The following FRMPD4 variants were observed in gnomAD, a reference collection of about 807,000 sequenced individuals.
FRMPD4 encodes the protein FERM and PDZ domain containing 4.
A neutral mutation model predicts 94.1 loss-of-function variants in FRMPD4; 22 were observed. The observed-to-expected ratio is 0.23, with a 90% CI of 0.17 to 0.33. FRMPD4 has a LOEUF of 0.33. FRMPD4 is among the 10% of genes least tolerant of loss of function. FRMPD4 has a pLI of 1.00. For missense variants in FRMPD4, 1,111 were observed against 1,339.9 expected, an observed-to-expected ratio of 0.83 and a Z score of 2.67; for synonymous variants, 631 against 548.6, an observed-to-expected ratio of 1.15 and a Z score of -2.10.
At chrX:12,339,346 GTT>G (rs1359051321) in intron 1 of FRMPD4, among the ~76,000 whole-genome samples, 2 of 111,689 alleles carry the variant, frequency 1.8e-5, no homozygotes, top group African/African-American at 6.5e-5. Context: ...GTTTTTGTTT[GTT>G]TCTTTGTTCT....
chrX:11,981,572 T>C (rs761315390), intron 3 of FRMPD4, among the ~76,000 whole-genome samples: 19 of 111,935 alleles, frequency 1.7e-4, no homozygotes, highest in Non-Finnish European at 3.6e-4. Context: ...TATGTTCTTA[T>C]GTTTTAGCTG....
chrX:11,935,072 A>ATTTTT (rs753999126), intron 3 of FRMPD4, among the ~76,000 whole-genome samples: 2,342 of 39,941 alleles, frequency 0.059, 224 homozygotes, highest in African/African-American at 0.11. Flanking sequence ...ACTATTGGTG[A>ATTTTT]TTTTTTTTTT....
intron 1 of FRMPD4, among the ~76,000 whole-genome samples, chrX:12,384,096 C>CAGAT (rs1443188302): frequency 3.6e-5 from 4 of 112,029 alleles, no homozygotes; most frequent in Non-Finnish European, 7.5e-5. Context: ...ATTGGCACAA[C>CAGAT]AGATTGTTGT....
Position 12,091,624 on chromosome X carries a change from T to C in FRMPD4, c.95+213606T>C, listed in dbSNP as rs1383251849. Among the ~76,000 whole-genome samples, 4 of 111,789 alleles carry C rather than the reference T, an allele frequency of 3.6e-5. No homozygotes were observed. The East Asian group carries it at 1.1e-3, about 31-fold the overall frequency. ...CTATTTCCTGTTTCCTGGTCAGACATCAGTGGTTCTCATTCTGGGGTGATT... is the reference window on the plus strand; with the variant it reads ...CTATTTCCTGTTTCCTGGTCAGACACCAGTGGTTCTCATTCTGGGGTGATT... On this transcript the variant is annotated intron_variant, in intron 3 of 18. Coordinates refer to the FRMPD4 transcript ENST00000640291.
intron 1 of FRMPD4, among the ~76,000 whole-genome samples, chrX:11,861,669 G>A (rs1029425790): frequency 2.7e-5 from 3 of 111,527 alleles, no homozygotes; most frequent in Non-Finnish European, 3.8e-5. Context: ...GCAAAAGAAA[G>A]TGCTAAATAC....
intron 1 of FRMPD4, among the ~76,000 whole-genome samples, chrX:12,454,968 T>C (rs2057317613): frequency 9.0e-6 from 1 of 110,909 alleles, no homozygotes; most frequent in South Asian, 3.8e-4. Context: ...AAACAACTTA[T>C]AAATTCTGTA....
At chrX:12,171,121 TAAG>T (rs1406300774) in intron 1 of FRMPD4, among the ~76,000 whole-genome samples, 1 of 112,479 alleles carries the variant, frequency 8.9e-6, no homozygotes, top group Non-Finnish European at 1.9e-5. Flanking sequence ...TCCCTGGTCA[TAAG>T]AATCTGTAAC....
chrX:12,285,171 G>A (rs1278336618), intron 1 of FRMPD4, among the ~76,000 whole-genome samples: 1 of 111,888 alleles, frequency 8.9e-6, no homozygotes. Context: ...TGTGCCACTG[G>A]TGAGTCCTTC....
At chrX:12,009,988 A>G (rs1425642564) in intron 3 of FRMPD4, among the ~76,000 whole-genome samples, 1 of 112,153 alleles carries the variant, frequency 8.9e-6, no homozygotes, top group African/African-American at 3.2e-5. Flanking sequence ...TATCTGGGCC[A>G]TGATTATTAA....
intron 1 of FRMPD4, among the ~76,000 whole-genome samples, chrX:12,464,052 T>C (rs927682083): frequency 8.1e-5 from 9 of 111,541 alleles, no homozygotes; most frequent in African/African-American, 2.9e-4. Context: ...TGGCCTAAAA[T>C]AGCTAAATAA....
intron 1 of FRMPD4, among the ~76,000 whole-genome samples, chrX:12,359,139 C>A (rs1481573457): frequency 1.8e-5 from 2 of 111,263 alleles, no homozygotes; most frequent in African/African-American, 6.5e-5. Flanking sequence ...TGATTTTTGA[C>A]CTTGGATTTA....
At chrX:11,875,109 A>G (rs1355645698) in intron 2 of FRMPD4, among the ~76,000 whole-genome samples, 1 of 112,669 alleles carries the variant, frequency 8.9e-6, no homozygotes, top group Non-Finnish European at 1.9e-5. Context: ...TCTCTTGGCC[A>G]GTCAAAAAAG....
At chrX:12,039,967 C>CAAAAAAAA (rs367795862) in intron 3 of FRMPD4, among the ~76,000 whole-genome samples, 1 of 32,016 alleles carries the variant, frequency 3.1e-5, no homozygotes, top group Non-Finnish European at 6.2e-5. Context: ...AAAACTTTGT[C>CAAAAAAAA]AAAAAAAAAA....
chrX:11,997,171 A>G (rs1352084591), intron 3 of FRMPD4, among the ~76,000 whole-genome samples: 1 of 111,203 alleles, frequency 9.0e-6, no homozygotes, highest in Non-Finnish European at 1.9e-5. Flanking sequence ...CAAGCCCTGA[A>G]GATTATGAGA....
intron 1 of FRMPD4, among the ~76,000 whole-genome samples, chrX:12,227,974 C>T (rs2056942598): frequency 9.0e-6 from 1 of 111,318 alleles, no homozygotes; most frequent in African/African-American, 3.3e-5. Flanking sequence ...TGGTGAGACC[C>T]AACCCCAACA....
At chrX:12,009,476 A>T (rs749228990) in intron 3 of FRMPD4, among the ~76,000 whole-genome samples, 1 of 112,495 alleles carries the variant, frequency 8.9e-6, no homozygotes, top group Non-Finnish European at 1.9e-5. Context: ...TTTACAGAAG[A>T]TGTAAAACAA....
intron 3 of FRMPD4, among the ~76,000 whole-genome samples, chrX:12,068,734 A>G (rs957155375): frequency 2.7e-5 from 3 of 112,394 alleles, no homozygotes; most frequent in Non-Finnish European, 5.6e-5. Flanking sequence ...ACAGTAGATC[A>G]ATAATTGGTT....
At chrX:12,230,497 T>G (rs1386498283) in intron 1 of FRMPD4, among the ~76,000 whole-genome samples, 1 of 111,042 alleles carries the variant, frequency 9.0e-6, no homozygotes, top group African/African-American at 3.3e-5. Flanking sequence ...GGAAGTCAGA[T>G]GTAGCCATCC....
chrX:12,558,090 C>T (rs2058615542), intron 2 of FRMPD4, among the ~76,000 whole-genome samples: 1 of 112,541 alleles, frequency 8.9e-6, no homozygotes, highest in African/African-American at 3.2e-5. Flanking sequence ...CTTGCCACCA[C>T]ATCATGTCCA....
Sources: gnomAD v4.1 joint callset for allele counts (sites outside exome capture counted in the v4.1 genomes callset) on GRCh38, gnomAD v4.1.1 for gene constraint, MANE v1.5 for transcripts, NCBI Gene and HGNC (gene_info 2026-07-23, HGNC 2026-07-21) for gene names.